ZEB2: variants seen among roughly 807,000 people sequenced by gnomAD.
ZEB2 encodes zinc finger E-box-binding homeobox 2.
ZEB2 carries 6 observed loss-of-function variants against 99.9 expected under a neutral mutation model. The ratio of observed to expected loss-of-function variants is 0.06; its 90% CI spans 0.03 to 0.12. The LOEUF is 0.12. Among genes scored for constraint, ZEB2 ranks in the 10% least tolerant of loss-of-function variants. The pLI is 1.00. For missense variants in ZEB2, 969 were observed against 1,502.8 expected (o/e 0.64, Z 5.87); for synonymous variants, 517 against 542.5 (o/e 0.95, Z 0.65).
intron 2 of ZEB2, among the ~76,000 whole-genome samples, chr2:144,453,047 C>G (rs1299605575): frequency 1.3e-5 from 2 of 152,094 alleles, no homozygotes; most frequent in Non-Finnish European, 2.9e-5. Flanking sequence ...TATTATAGGT[C>G]CTAACTAATC....
chr2:144,400,141 T>C lies in ZEB2; in HGVS notation c.1046A>G (p.Lys349Arg). ...SVNGRMRNNI[K>R]TGSSPNSVSS... is the part of the protein sequence containing the mutation. ...AACAGAATTAGGGGAAGAACCCGTC[T>C]TGATATTGTTTCTCATTCGGCCATT... Residue 349 changes from lysine to arginine, a missense_variant, in exon 8 of 10, where the codon AAG becomes AGG. Transcript: ENST00000627532. 6 of 1,614,000 alleles carry C rather than the reference T, an allele frequency of 3.7e-6. No homozygotes were observed. The highest frequency in any genetic ancestry group is 5.1e-6 in the Non-Finnish European group (6 of 1,179,860).
At chr2:144,445,164 G>A (rs1271030884) in intron 2 of ZEB2, 1 of 151,786 alleles carries the variant, frequency 6.6e-6, no homozygotes, top group Non-Finnish European at 1.5e-5. Flanking sequence ...AGATGGAGAA[G>A]ACCCCTTATT....
At chr2:144,441,201 G>GAGAGAGAGAA (rs1553965038) in intron 2 of ZEB2, among the ~76,000 whole-genome samples, 3 of 151,390 alleles carry the variant, frequency 2.0e-5, no homozygotes, top group African/African-American at 7.3e-5. Flanking sequence ...GAGAGAGAGA[G>GAGAGAGAGAA]AGAGAGAACC....
chr2:144,411,584 A>G (rs1484691073), intron 4 of ZEB2, among the ~76,000 whole-genome samples: 1 of 152,226 alleles, frequency 6.6e-6, no homozygotes, highest in African/African-American at 2.4e-5. Context: ...TTACACAGCT[A>G]CATGGGCGGC....
intron 4 of ZEB2, among the ~76,000 whole-genome samples, chr2:144,411,583 T>C (rs531798437): frequency 6.6e-6 from 1 of 152,306 alleles, no homozygotes; most frequent in Admixed American, 6.5e-5. Context: ...ATTACACAGC[T>C]ACATGGGCGG....
chr2:144,421,938 AGAT>A (rs1703624514), intron 4 of ZEB2, among the ~76,000 whole-genome samples: 1 of 152,216 alleles, frequency 6.6e-6, no homozygotes, highest in South Asian at 2.1e-4. Flanking sequence ...GGCTGGTTCA[AGAT>A]CTTCTCAAAA....
intron 4 of ZEB2, among the ~76,000 whole-genome samples, chr2:144,412,227 C>A (rs969540861): frequency 6.6e-6 from 1 of 152,192 alleles, no homozygotes; most frequent in African/African-American, 2.4e-5. Context: ...CGAGATCGTG[C>A]CACTGCACTC....
At position 144,429,844 on chromosome 2, in the gene ZEB2, C is replaced by T; in HGVS notation, c.256G>A (p.Asp86Asn). The change falls in exon 3 of 10, where the codon GAT (aspartate) becomes AAT (asparagine). Residue 86 changes from aspartate to asparagine, a missense_variant. This residue lies in a region of ZEB2 where 173 missense variants were observed against 217.7 expected (regional missense o/e 0.79). Coordinates refer to ENST00000627532, the MANE Select transcript of ZEB2 (RefSeq NM_014795.4). ...QALLPREEEE[D>N]EIREGGVEHP... ...TCCACTCCACCCTCCCTTATTTCAT[C>T]TTCCTCTTCCTCTCTTGGCAACAGA... 1 of 1,613,836 alleles carries T rather than the reference C, an allele frequency of 6.2e-7. No individual in the cohort carries two copies.
chr2:144,485,029 C>G (rs1704574459), intron 2 of ZEB2, among the ~76,000 whole-genome samples: 1 of 152,156 alleles, frequency 6.6e-6, no homozygotes. Flanking sequence ...TAAAGAGTCA[C>G]TTAGCATGAA....
intron 2 of ZEB2, among the ~76,000 whole-genome samples, chr2:144,433,955 T>G (rs949625024): frequency 6.6e-6 from 1 of 152,220 alleles, no homozygotes; most frequent in African/African-American, 2.4e-5. Flanking sequence ...TTGCTGATAA[T>G]TAGCTTGACA....
intron 2 of ZEB2, among the ~76,000 whole-genome samples, chr2:144,448,445 T>C (rs958318830): frequency 1.3e-5 from 2 of 152,174 alleles, no homozygotes; most frequent in African/African-American, 4.8e-5. Context: ...AGTGGTGAAA[T>C]TGAGTTTTCC....
At chr2:144,478,834 T>C (rs1387053243) in intron 2 of ZEB2, among the ~76,000 whole-genome samples, 2 of 152,262 alleles carry the variant, frequency 1.3e-5, no homozygotes, top group Non-Finnish European at 2.9e-5. Context: ...ATATACATTA[T>C]CTACTATGTC....
intron 2 of ZEB2, chr2:144,512,864 T>C (rs1173287223): frequency 4.5e-5 from 58 of 1,287,096 alleles, no homozygotes; most frequent in Non-Finnish European, 5.7e-5. Context: ...TGGATATCTT[T>C]GGAGCGCCCT....
intron 2 of ZEB2, among the ~76,000 whole-genome samples, chr2:144,454,032 C>T (rs911818398): frequency 1.3e-5 from 2 of 152,102 alleles, no homozygotes; most frequent in Admixed American, 6.6e-5. Context: ...GTATTTGTGA[C>T]TTTTTTACTC....
At chr2:144,485,372 A>C (rs760174379) in intron 2 of ZEB2, among the ~76,000 whole-genome samples, 2 of 152,220 alleles carry the variant, frequency 1.3e-5, no homozygotes, top group Non-Finnish European at 2.9e-5. Context: ...CAAAAATCAA[A>C]ATTTTTAGAA....
At chr2:144,446,587 C>T (rs1390444548) in intron 2 of ZEB2, among the ~76,000 whole-genome samples, 1 of 152,168 alleles carries the variant, frequency 6.6e-6, no homozygotes, top group Non-Finnish European at 1.5e-5. Context: ...TATCCAGTGC[C>T]TGGTGCTCTT....
At chr2:144,428,000 G>A (rs2149890361) in intron 3 of ZEB2, 1 of 152,270 alleles carries the variant, frequency 6.6e-6, no homozygotes, top group Non-Finnish European at 1.5e-5. Context: ...ACTACAGCTT[G>A]ACATTGCTGT....
intron 5 of ZEB2, among the ~76,000 whole-genome samples, chr2:144,404,528 C>T (rs111294473): frequency 0.014 from 2,115 of 152,002 alleles, 54 homozygotes; most frequent in African/African-American, 0.047. Flanking sequence ...GAGGGAGTGT[C>T]GGTCTCAACT....
intron 4 of ZEB2, among the ~76,000 whole-genome samples, chr2:144,406,961 A>T (rs998777771): frequency 2.0e-5 from 3 of 152,230 alleles, no homozygotes; most frequent in African/African-American, 7.2e-5. Flanking sequence ...CCTCAGATTC[A>T]TCTGGGAAAG....
Sources: gnomAD v4.1 joint callset for allele counts (sites outside exome capture counted in the v4.1 genomes callset) on GRCh38, gnomAD v4.1.1 for gene constraint, gnomAD v4.1.1 regional missense constraint, MANE v1.5 for transcripts, NCBI Gene and HGNC (gene_info 2026-07-23, HGNC 2026-07-21) for gene names.